Variants in PDE8A observed in about 807,000 individuals in gnomAD.
PDE8A encodes the protein high affinity cAMP-specific and IBMX-insensitive 3',5'-cyclic phosphodiesterase 8A.
A neutral mutation model predicts 105.0 loss-of-function variants in PDE8A; 59 were observed. The ratio of observed to expected loss-of-function variants is 0.56; its 90% CI spans 0.46 to 0.70. PDE8A has a LOEUF of 0.70. PDE8A is among the 30% of genes least tolerant of loss of function. The probability of loss-of-function intolerance (pLI) is 0.00; values close to 1 mark genes in which losing one functional copy is unlikely to be tolerated. For missense variants in PDE8A, 1,014 were observed against 1,045.9 expected, an observed-to-expected ratio of 0.97 and a Z score of 0.42; for synonymous variants, 355 against 371.9, an observed-to-expected ratio of 0.95 and a Z score of 0.52.
intron 1 of PDE8A, among the ~76,000 whole-genome samples, chr15:85,002,204 G>A (rs1319987640): frequency 6.6e-6 from 1 of 152,040 alleles, no homozygotes; most frequent in Non-Finnish European, 1.5e-5. Flanking sequence ...GATGCCAATC[G>A]AAAGTAGTAG....
chr15:85,054,797 T>A (rs906875432), intron 1 of PDE8A, among the ~76,000 whole-genome samples: 9 of 152,360 alleles, frequency 5.9e-5, no homozygotes, highest in African/African-American at 1.7e-4. Context: ...GAGTTTTTTG[T>A]GTCGCTATCT....
At chr15:84,997,844 C>T (rs1372244040) in intron 1 of PDE8A, among the ~76,000 whole-genome samples, 1 of 151,884 alleles carries the variant, frequency 6.6e-6, no homozygotes, top group Non-Finnish European at 1.5e-5. Context: ...ATCTGCCTGC[C>T]TCGGCCTCCC....
chr15:85,012,334 G>A (rs1297491222), intron 1 of PDE8A, among the ~76,000 whole-genome samples: 1 of 152,134 alleles, frequency 6.6e-6, no homozygotes, highest in African/African-American at 2.4e-5. Context: ...TTAAGAAAAT[G>A]TGGCACATAT....
chr15:85,029,001 G>A (rs2080567016), intron 1 of PDE8A, among the ~76,000 whole-genome samples: 1 of 151,930 alleles, frequency 6.6e-6, no homozygotes. Flanking sequence ...AGAGAGAAAT[G>A]TAAAGAAAAG....
intron 17 of PDE8A, 45 bp downstream of exon 17, chr15:85,117,884 G>A (rs2082121889): frequency 6.8e-7 from 1 of 1,468,538 alleles, no homozygotes; most frequent in Non-Finnish European, 9.5e-7. Flanking sequence ...AGGAGCAGTG[G>A]GGAGAGTCTA....
At chr15:85,117,595 GT>G in intron 16 of PDE8A, 45 bp from the exon 17 acceptor site, 2 of 1,539,860 alleles carry the variant, frequency 1.3e-6, no homozygotes, top group East Asian at 2.3e-5. Flanking sequence ...CACTTGGCCT[GT>G]TTGTTTGCTT....
chr15:85,018,729 C>A (rs1291433607), intron 1 of PDE8A, among the ~76,000 whole-genome samples: 1 of 151,960 alleles, frequency 6.6e-6, no homozygotes, highest in African/African-American at 2.4e-5. Flanking sequence ...AGTATGAATT[C>A]TTTTTTCAAA....
intron 7 of PDE8A, 81 bp downstream of exon 7, chr15:85,089,497 AT>A (rs61246885): frequency 0.071 from 38,558 of 545,162 alleles, 2,553 homozygotes; most frequent in African/African-American, 0.32. Flanking sequence ...CTCCAATATG[AT>A]TTTTTTTTTT....
At chr15:85,069,672 G>T (rs759504289) in intron 3 of PDE8A, among the ~76,000 whole-genome samples, 2 of 152,102 alleles carry the variant, frequency 1.3e-5, no homozygotes, top group Non-Finnish European at 2.9e-5. Flanking sequence ...TAGGTTTAGG[G>T]GAACCAGTGA....
chr15:85,089,684 A>G (rs895159927), intron 7 of PDE8A, among the ~76,000 whole-genome samples: 1 of 152,182 alleles, frequency 6.6e-6, no homozygotes, highest in Non-Finnish European at 1.5e-5. Context: ...TGTTTATTTA[A>G]CAAGGAGAGA....
Position 85,120,841 on chromosome 15 carries a change from C to A in PDE8A, c.1779C>A (p.Ala593=), listed in dbSNP as rs1409007611. ...PIDEVAALIA[A]TIHDVDHPGR... ...ATGAGGTCGCTGCACTCATCGCAGC[C>A]ACCATTCATGATGTGGATCACCCTG... is the stretch of plus-strand genomic sequence containing the variant. Residue 593 remains alanine, a synonymous_variant, in exon 18 of 22, where the codon GCC becomes GCA. Transcript: ENST00000394553. 6.2e-7 allele frequency: 1 copy of A among 1,613,948 alleles called. No individual in the cohort carries two copies.
intron 8 of PDE8A, among the ~76,000 whole-genome samples, chr15:85,092,324 TG>T (rs1325846398): frequency 1.3e-4 from 18 of 137,106 alleles, no homozygotes; most frequent in Non-Finnish European, 2.3e-4. Context: ...TTTTTTTTGT[TG>T]TTGTTTTTTT....
At chr15:84,985,504 C>G (rs1319078839) in intron 1 of PDE8A, among the ~76,000 whole-genome samples, 1 of 152,124 alleles carries the variant, frequency 6.6e-6, no homozygotes, top group Admixed American at 6.5e-5. Context: ...TCCACTTTCC[C>G]TAGCCAGGAC....
chr15:85,024,026 A>AAAT (rs10686479), intron 1 of PDE8A, among the ~76,000 whole-genome samples: 22 of 151,054 alleles, frequency 1.5e-4, no homozygotes, highest in Admixed American at 1.4e-3. Context: ...TCCAAAAAAA[A>AAAT]GTTGGTCATT....
rs141983880 is a variant in PDE8A, at chr15:85,137,961, AGGGCAGCCAGAGCTCCTT to A, written c.*61_*78del. 9.3e-7 allele frequency: 1 copy of A among 1,078,668 alleles called. No homozygotes were observed. Among genetic ancestry groups the A allele is most frequent in the East Asian group, 2.4e-5 (1 of 40,924 alleles). The allele number at this position is 1,078,668 out of a possible 1,614,324, so 66.8% of individuals were successfully genotyped here. On this transcript the variant is annotated 3_prime_UTR_variant, in exon 22 of 22. Transcript: ENST00000394553. The stretch of plus-strand genomic sequence containing the variant: ...TTCCTTCGGTCATTTGGAATTCCTG[AGGGCAGCCAGAGCTCCTT>A]GGTCCTTTCAGTACTAGGCAGAACA...
intron 1 of PDE8A, among the ~76,000 whole-genome samples, chr15:84,985,815 G>A (rs1316920033): frequency 6.6e-6 from 1 of 152,202 alleles, no homozygotes; most frequent in Non-Finnish European, 1.5e-5. Flanking sequence ...CCAGAGTAGA[G>A]GCTGTAAAGT....
rs941202523 is a variant in PDE8A, at chr15:85,113,775, C to G, written c.1186-98C>G. ...GCTCAAGTAATTCTCCCACCTCAGC[C>G]TCCTGAGTAGCTGGAATTACAGACA... On this transcript the variant is annotated intron_variant, in intron 13 of 21. Transcript: ENST00000394553. The G allele has an allele frequency of 4.3e-6, 4 of 924,588 alleles. No homozygotes were observed. In the African/African-American group the frequency reaches 6.6e-5, roughly 15 times the overall value. 57.3% of individuals were successfully genotyped at this position (924,588 alleles called of 1,614,324 possible).
chr15:85,049,156 T>C (rs1218880538), intron 1 of PDE8A, among the ~76,000 whole-genome samples: 1 of 152,064 alleles, frequency 6.6e-6, no homozygotes, highest in Non-Finnish European at 1.5e-5. Context: ...AGATGTCTCC[T>C]TTTTTCCTGA....
chr15:85,002,201 A>G (rs1221175354), intron 1 of PDE8A, among the ~76,000 whole-genome samples: 1 of 151,972 alleles, frequency 6.6e-6, no homozygotes, highest in East Asian at 1.9e-4. Context: ...TCAGATGCCA[A>G]TCGAAAGTAG....
Sources: allele counts gnomAD v4.1 joint callset (sites outside exome capture counted in the v4.1 genomes callset), GRCh38; gene constraint gnomAD v4.1.1; transcripts MANE v1.5; gene names NCBI Gene and HGNC (gene_info 2026-07-23, HGNC 2026-07-21).